CSMD1: variants seen among roughly 807,000 people sequenced by gnomAD.
The protein encoded by CSMD1 is CUB and sushi domain-containing protein 1.
CSMD1 carries 213 observed loss-of-function variants against 417.5 expected under a neutral mutation model. That is an observed-to-expected ratio of 0.51 (90% CI 0.46 to 0.57). The LOEUF is 0.57. Ranked by LOEUF, CSMD1 falls within the 20% of genes least tolerant of loss-of-function variation. The probability of loss-of-function intolerance (pLI) is 0.00; values close to 1 mark genes in which losing one functional copy is unlikely to be tolerated. For missense variants in CSMD1, 6,923 were observed against 4,529.7 expected, an observed-to-expected ratio of 1.53 and a Z score of -15.17; for synonymous variants, 2,862 against 1,736.8, an observed-to-expected ratio of 1.65 and a Z score of -16.11.
chr8:2,981,396 C>T (rs527624147), intron 54 of CSMD1, among the ~76,000 whole-genome samples: 158 of 152,176 alleles, frequency 1.0e-3, no homozygotes, highest in Non-Finnish European at 1.5e-3. Flanking sequence ...GTTCATGGTG[C>T]GGAGATATGT....
At chr8:3,921,649 T>G (rs532671639) in intron 5 of CSMD1, among the ~76,000 whole-genome samples, 1 of 152,276 alleles carries the variant, frequency 6.6e-6, no homozygotes, top group African/African-American at 2.4e-5. Flanking sequence ...CTTCCCCCAT[T>G]AGTTGTTCAG....
chr8:4,728,418 C>A (rs930922426), intron 1 of CSMD1, among the ~76,000 whole-genome samples: 5 of 151,838 alleles, frequency 3.3e-5, no homozygotes, highest in African/African-American at 9.7e-5. Flanking sequence ...CTATAAATTC[C>A]TGAGGGTAAG....
chr8:3,308,304 A>ACACT lies in CSMD1; in HGVS notation c.3823+4_3823+7dup, dbSNP rs749287480. On this transcript the variant is annotated splice_region_variant and intron_variant, in intron 24 of 69. Coordinates refer to ENST00000635120, the MANE Select transcript of CSMD1 (RefSeq NM_033225.6). ...TTTGCACAATGGTATGACTGCTTCC[A>ACACT]CACTCACCTATGCACGAAGGTAGTG... 2 of 1,596,070 alleles carry ACACT rather than the reference A, an allele frequency of 1.3e-6. No individual in the cohort carries two copies. Among genetic ancestry groups the ACACT allele is most frequent in the East Asian group, 2.3e-5 (1 of 44,302 alleles).
intron 7 of CSMD1, among the ~76,000 whole-genome samples, chr8:3,694,073 G>C (rs1421902740): frequency 1.3e-5 from 2 of 151,530 alleles, no homozygotes; most frequent in Non-Finnish European, 2.9e-5. Flanking sequence ...TGTGTTGTGT[G>C]TGTTGGAGTG....
At chr8:4,243,984 G>C (rs916465693) in intron 3 of CSMD1, among the ~76,000 whole-genome samples, 2 of 152,210 alleles carry the variant, frequency 1.3e-5, no homozygotes, top group African/African-American at 2.4e-5. Context: ...TACAGTGGCA[G>C]AATTTCAGTC....
intron 10 of CSMD1, among the ~76,000 whole-genome samples, chr8:3,525,820 C>T (rs765449071): frequency 6.6e-6 from 1 of 151,954 alleles, no homozygotes; most frequent in Non-Finnish European, 1.5e-5. Context: ...AGTTGACACA[C>T]GGAAAAAATC....
At chr8:4,515,030 A>C (rs1803040087) in intron 2 of CSMD1, among the ~76,000 whole-genome samples, 1 of 152,156 alleles carries the variant, frequency 6.6e-6, no homozygotes, top group South Asian at 2.1e-4. Context: ...TCAAAAGAAG[A>C]AGCACTTTCA....
At chr8:3,869,013 G>A (rs1045846243) in intron 5 of CSMD1, among the ~76,000 whole-genome samples, 1 of 152,324 alleles carries the variant, frequency 6.6e-6, no homozygotes, top group South Asian at 2.1e-4. Context: ...CTCTCTCGAA[G>A]TAACAGCTGC....
At chr8:3,463,285 A>C (rs1314704487) in intron 12 of CSMD1, among the ~76,000 whole-genome samples, 1 of 152,182 alleles carries the variant, frequency 6.6e-6, no homozygotes, top group Non-Finnish European at 1.5e-5. Flanking sequence ...ACAAGTCACC[A>C]ACTCAGGCTC....
intron 1 of CSMD1, among the ~76,000 whole-genome samples, chr8:4,765,526 G>T (rs1263615758): frequency 7.2e-5 from 11 of 152,212 alleles, no homozygotes; most frequent in African/African-American, 2.4e-4. Context: ...GAAGGAAATG[G>T]AAGGCAAAGA....
chr8:3,308,376 G>A lies in CSMD1; in HGVS notation c.3759C>T (p.Ser1253=), dbSNP rs771729655. The A allele has an allele frequency of 1.2e-6, 2 of 1,613,706 alleles. No homozygotes were observed. Among genetic ancestry groups the A allele is most frequent in the African/African-American group, 1.3e-5 (1 of 74,928 alleles). Residue 1253 remains serine, a synonymous_variant, in exon 24 of 70, where the codon AGC becomes AGT. Transcript: ENST00000635120. ...SCNPGYAMHG[S]NTLTCLSGDR... ...CTCCACTCAAACAGGTCAGGGTGTT[G>A]CTGCCATGCATGGCGTACCCCGGGT...
chr8:3,045,733 G>A (rs951765308), intron 50 of CSMD1, among the ~76,000 whole-genome samples: 1 of 152,082 alleles, frequency 6.6e-6, no homozygotes. Context: ...TAGAAATTAG[G>A]AAGACAGATT....
At chr8:4,831,430 T>C (rs1354754136) in intron 1 of CSMD1, among the ~76,000 whole-genome samples, 1 of 152,210 alleles carries the variant, frequency 6.6e-6, no homozygotes, top group South Asian at 2.1e-4. Flanking sequence ...CAAATATCCA[T>C]ATGCATTATG....
chr8:3,235,590 A>C (rs74350387), intron 26 of CSMD1, among the ~76,000 whole-genome samples: 1,907 of 152,274 alleles, frequency 0.013, 96 homozygotes, highest in Admixed American at 0.089. Context: ...ATCATTGTTT[A>C]ATCCAGCGTA....
rs779198310 is a variant in CSMD1, at chr8:3,493,575, C to T, written c.1448+48G>A. 2.7e-6 allele frequency: 4 copies of T among 1,479,596 alleles called. No homozygotes were observed. In the Admixed American group the frequency reaches 5.7e-5, roughly 21 times the overall value. The allele number at this position is 1,479,596 out of a possible 1,614,324, so 91.7% of individuals were successfully genotyped here. A position where few individuals can be genotyped will look rare whatever the true frequency, so the allele number is the denominator to read the frequency against. On this transcript the variant is annotated intron_variant, in intron 11 of 69. Coordinates refer to ENST00000635120, the MANE Select transcript of CSMD1 (RefSeq NM_033225.6). ...CAGAATCTCATCTCCACCCACCGTG[C>T]CCCGCACTGCATGCATAAGAGAAGA... is the stretch of plus-strand genomic sequence containing the variant.
At chr8:3,289,960 G>C (rs1005823572) in intron 25 of CSMD1, among the ~76,000 whole-genome samples, 9 of 147,462 alleles carry the variant, frequency 6.1e-5, no homozygotes, top group Admixed American at 4.0e-4. Flanking sequence ...ATAGTATTAG[G>C]TCTAACATTT....
chr8:4,793,991 G>C (rs1305781332), intron 1 of CSMD1, among the ~76,000 whole-genome samples: 1 of 152,262 alleles, frequency 6.6e-6, no homozygotes. Context: ...GCTTACAGGA[G>C]TATTTGCATA....
At chr8:4,582,945 C>G (rs1585284705) in intron 2 of CSMD1, among the ~76,000 whole-genome samples, 1 of 152,218 alleles carries the variant, frequency 6.6e-6, no homozygotes, top group Non-Finnish European at 1.5e-5. Flanking sequence ...CCTGCCGGCC[C>G]TGAGCAATGA....
intron 23 of CSMD1, among the ~76,000 whole-genome samples, chr8:3,323,876 G>T (rs1238250144): frequency 7.0e-6 from 1 of 142,496 alleles, no homozygotes; most frequent in Non-Finnish European, 1.5e-5. Flanking sequence ...AGAGACCCAG[G>T]AGGGGGAGTT....
Sources: allele counts gnomAD v4.1 joint callset (sites outside exome capture counted in the v4.1 genomes callset), GRCh38; gene constraint gnomAD v4.1.1; transcripts MANE v1.5; gene names NCBI Gene and HGNC (gene_info 2026-07-23, HGNC 2026-07-21).